Variants in AUTS2 observed in about 807,000 individuals in gnomAD.
AUTS2 encodes autism susceptibility gene 2 protein.
A neutral mutation model predicts 112.4 loss-of-function variants in AUTS2; 17 were observed. That is an observed-to-expected ratio of 0.15 (90% CI 0.10 to 0.23). The LOEUF is 0.23. Among genes scored for constraint, AUTS2 ranks in the 10% least tolerant of loss-of-function variants. The pLI, the probability that AUTS2 is intolerant of heterozygous loss-of-function variation, is 1.00. For missense variants in AUTS2, 1,510 were observed against 1,701.6 expected (o/e 0.89, Z 1.98); for synonymous variants, 751 against 702.7 (o/e 1.07, Z -1.09).
At chr7:69,999,952 A>G (rs1799111081) in intron 2 of AUTS2, among the ~76,000 whole-genome samples, 1 of 152,128 alleles carries the variant, frequency 6.6e-6, no homozygotes, top group African/African-American at 2.4e-5. Context: ...GCACTTGGCA[A>G]ACCGAAGTAG....
intron 5 of AUTS2, among the ~76,000 whole-genome samples, chr7:70,472,341 G>T (rs1188143515): frequency 6.7e-6 from 1 of 149,486 alleles, no homozygotes; most frequent in Non-Finnish European, 1.5e-5. Flanking sequence ...TTCTTGTTTG[G>T]GTTTTGGGGC....
chr7:70,130,449 G>A (rs1055794585), intron 3 of AUTS2, among the ~76,000 whole-genome samples: 1 of 152,162 alleles, frequency 6.6e-6, no homozygotes, highest in Admixed American at 6.6e-5. Context: ...CAAGTGGGGG[G>A]AAATGAGAAA....
intron 4 of AUTS2, among the ~76,000 whole-genome samples, chr7:70,386,726 A>G (rs1036146858): frequency 2.0e-5 from 3 of 152,122 alleles, no homozygotes; most frequent in Non-Finnish European, 2.9e-5. Flanking sequence ...ACTTATCTCT[A>G]ACTTTTACCT....
chr7:69,873,593 G>A (rs191939916), intron 1 of AUTS2, among the ~76,000 whole-genome samples: 4 of 152,200 alleles, frequency 2.6e-5, no homozygotes, highest in Admixed American at 1.3e-4. Flanking sequence ...GACTGTTATC[G>A]TTAACCACCC....
intron 1 of AUTS2, among the ~76,000 whole-genome samples, chr7:69,716,958 G>A (rs747251743): frequency 2.0e-5 from 3 of 152,152 alleles, no homozygotes; most frequent in East Asian, 1.9e-4. Flanking sequence ...TATGCCTTCC[G>A]TGGACTTGTC....
At chr7:69,869,331 T>G (rs557815919) in intron 1 of AUTS2, among the ~76,000 whole-genome samples, 19 of 152,212 alleles carry the variant, frequency 1.2e-4, no homozygotes, top group Admixed American at 7.9e-4. Flanking sequence ...TTCATTAGCA[T>G]CTCCTGCCTA....
At chr7:69,993,045 A>AAG (rs1440170507) in intron 2 of AUTS2, among the ~76,000 whole-genome samples, 1 of 152,184 alleles carries the variant, frequency 6.6e-6, no homozygotes, top group Non-Finnish European at 1.5e-5. Context: ...AAGGCTCTAA[A>AAG]AGCCTCTGAA....
chr7:69,710,538 A>G (rs554694923), intron 1 of AUTS2, among the ~76,000 whole-genome samples: 13 of 152,332 alleles, frequency 8.5e-5, no homozygotes, highest in African/African-American at 3.1e-4. Flanking sequence ...AGTAAGAGCA[A>G]CCACAGGTTT....
intron 1 of AUTS2, among the ~76,000 whole-genome samples, chr7:69,631,174 A>G (rs1236040018): frequency 6.6e-6 from 1 of 150,800 alleles, no homozygotes; most frequent in East Asian, 2.0e-4. Flanking sequence ...TTGTGTACAC[A>G]CTTTTTTTTT....
At chr7:69,787,451 A>T (rs1789427236) in intron 1 of AUTS2, among the ~76,000 whole-genome samples, 2 of 152,222 alleles carry the variant, frequency 1.3e-5, no homozygotes, top group Non-Finnish European at 2.9e-5. Flanking sequence ...TGTTGGCGAG[A>T]CGAGTAGAGC....
intron 5 of AUTS2, among the ~76,000 whole-genome samples, chr7:70,516,363 A>G (rs1480795730): frequency 6.6e-6 from 1 of 152,160 alleles, no homozygotes; most frequent in Non-Finnish European, 1.5e-5. Context: ...CAGCAAAGAG[A>G]GGGAAAAATC....
intron 2 of AUTS2, among the ~76,000 whole-genome samples, chr7:69,926,966 T>TTA (rs1029296441): frequency 6.8e-6 from 1 of 146,620 alleles, no homozygotes; most frequent in African/African-American, 2.5e-5. Flanking sequence ...AACATATATA[T>TTA]TATATATATA....
At chr7:70,574,824 C>T (rs1047807368) in intron 5 of AUTS2, among the ~76,000 whole-genome samples, 1 of 152,144 alleles carries the variant, frequency 6.6e-6, no homozygotes, top group Non-Finnish European at 1.5e-5. Flanking sequence ...TCCCTTCTCC[C>T]CGACCCCCTC....
chr7:70,744,956 C>G (rs1356811540), intron 6 of AUTS2, among the ~76,000 whole-genome samples: 3 of 152,124 alleles, frequency 2.0e-5, no homozygotes, highest in Admixed American at 6.5e-5. Context: ...TCATCATCGC[C>G]CCTCCAGTTC....
At chr7:70,196,832 C>G (rs901981027) in intron 4 of AUTS2, among the ~76,000 whole-genome samples, 2 of 152,050 alleles carry the variant, frequency 1.3e-5, no homozygotes, top group African/African-American at 4.8e-5. Flanking sequence ...GGTCAGTTGC[C>G]TGTAGAACTT....
At chr7:70,086,261 T>C (rs1015747475) in intron 2 of AUTS2, among the ~76,000 whole-genome samples, 3 of 152,210 alleles carry the variant, frequency 2.0e-5, no homozygotes, top group African/African-American at 7.2e-5. Flanking sequence ...TTTCAAAAAA[T>C]TGATATCTTA....
chr7:70,547,400 G>A (rs1396879600), intron 5 of AUTS2, among the ~76,000 whole-genome samples: 3 of 152,016 alleles, frequency 2.0e-5, no homozygotes, highest in Non-Finnish European at 2.9e-5. Context: ...GATTACAGGC[G>A]CCCGCCACCA....
chr7:70,705,924 C>A (rs533315206), intron 6 of AUTS2, among the ~76,000 whole-genome samples: 1 of 152,300 alleles, frequency 6.6e-6, no homozygotes, highest in East Asian at 1.9e-4. Flanking sequence ...TCCGAACAAG[C>A]CTCTCAGCAT....
At chr7:70,363,641 T>C (rs1792394184) in intron 4 of AUTS2, among the ~76,000 whole-genome samples, 1 of 152,180 alleles carries the variant, frequency 6.6e-6, no homozygotes, top group Admixed American at 6.5e-5. Flanking sequence ...CGGGTATTTA[T>C]ATAATTAATT....
Sources: allele counts gnomAD v4.1 joint callset (sites outside exome capture counted in the v4.1 genomes callset), GRCh38; gene constraint gnomAD v4.1.1; transcripts MANE v1.5; gene names NCBI Gene and HGNC (gene_info 2026-07-23, HGNC 2026-07-21).